Variants in CIT observed in about 807,000 individuals in gnomAD.
CIT encodes the protein citron Rho-interacting kinase.
A neutral mutation model predicts 272.7 loss-of-function variants in CIT; 79 were observed. The ratio of observed to expected loss-of-function variants is 0.29; its 90% confidence interval spans 0.24 to 0.35. CIT has a LOEUF of 0.35. Ranked by LOEUF, CIT falls within the 10% of genes least tolerant of loss-of-function variation. The pLI is 1.00. For missense variants in CIT, 1,909 were observed against 2,618.3 expected, an observed-to-expected ratio of 0.73 and a Z score of 5.91; for synonymous variants, 948 against 995.6, an observed-to-expected ratio of 0.95 and a Z score of 0.90.
chr12:119,793,654 G>A (rs528475224), intron 10 of CIT, among the ~76,000 whole-genome samples: 1 of 152,328 alleles, frequency 6.6e-6, no homozygotes. Flanking sequence ...GTTAGTGGCA[G>A]CCTCAGGGCC....
chr12:119,713,259 T>C lies in CIT; in HGVS notation c.4523A>G (p.Lys1508Arg). 6.2e-7 allele frequency: 1 copy of C among 1,614,144 alleles called. No homozygotes were observed. The highest frequency in any genetic ancestry group is 2.2e-5 in the East Asian group (1 of 44,874). Reference sequence around the variant, plus strand: ...TTTTGATCCCTCCAGGACAATGTACTTCCTGTCCCAGCCTTGCTGTCCTCG... The same window carrying C: ...TTTTGATCCCTCCAGGACAATGTACCTCCTGTCCCAGCCTTGCTGTCCTCG... Reference protein sequence around the residue: ...NKRGQQGWDRKYIVLEGSKVL... With the variant: ...NKRGQQGWDRRYIVLEGSKVL... The change falls in exon 35 of 48, where the codon AAG (lysine) becomes AGG (arginine). Residue 1508 changes from lysine (K) to arginine (R), a missense_variant. Lys to Arg is a conservative substitution (Grantham distance 26). Around this residue, in one of 8 missense-constraint regions of CIT, gnomAD observed 780 missense variants for 1,067.2 expected, o/e 0.73. Transcript: ENST00000392521. The surrounding 1 kb of genome is among the most constrained non-coding windows in gnomAD (Gnocchi z 5.2).
chr12:119,707,844 C>T (rs569468442), intron 40 of CIT, among the ~76,000 whole-genome samples: 5 of 152,332 alleles, frequency 3.3e-5, no homozygotes, highest in African/African-American at 1.2e-4. Context: ...CAAGGACATC[C>T]GCCCAGTGAC....
In CIT at chr12:119,708,327, GA is replaced by G; in HGVS notation, c.5072-10del. On this transcript the variant is annotated splice_polypyrimidine_tract_variant and intron_variant, in intron 39 of 47. Transcript: ENST00000392521. ...CAGTGCCCGCTCTTCTCCTGAACAG[GA>G]AAAGGAACAACCTCTCGTCAGTGTG... is the stretch of plus-strand genomic sequence containing the variant. 6.4e-7 allele frequency: 1 copy of G among 1,572,572 alleles called. No individual in the cohort carries two copies. The highest frequency in any genetic ancestry group is 8.6e-7 in the Non-Finnish European group (1 of 1,158,468).
chr12:119,730,747 G>T, intron 26 of CIT, 117 bp from the exon 27 acceptor site: 1 of 1,044,782 alleles, frequency 9.6e-7, no homozygotes, highest in Middle Eastern at 3.2e-4. Flanking sequence ...CCAGAAAGAT[G>T]CCCAACCTTG....
intron 5 of CIT, 126 bp downstream of exon 5, chr12:119,850,048 C>T (rs1970101997): frequency 1.3e-6 from 1 of 743,212 alleles, no homozygotes; most frequent in East Asian, 2.5e-5. Flanking sequence ...CAGGGAGACA[C>T]CTGTAAGGTA....
intron 9 of CIT, among the ~76,000 whole-genome samples, chr12:119,820,774 C>T (rs530069416): frequency 1.2e-4 from 18 of 152,066 alleles, no homozygotes; most frequent in Non-Finnish European, 1.6e-4. Flanking sequence ...AGTTCAAGAC[C>T]AGCCTGGGCA....
chr12:119,818,457 T>A (rs1256927482), intron 9 of CIT, among the ~76,000 whole-genome samples: 1 of 152,216 alleles, frequency 6.6e-6, no homozygotes, highest in East Asian at 1.9e-4. Flanking sequence ...AACCATATTA[T>A]ACACTTGAGG....
intron 44 of CIT, among the ~76,000 whole-genome samples, chr12:119,699,500 C>T (rs527265904): frequency 1.3e-5 from 2 of 152,266 alleles, no homozygotes; most frequent in African/African-American, 4.8e-5. Context: ...GGTGCAGTTC[C>T]CTGGCCTTGA....
intron 10 of CIT, among the ~76,000 whole-genome samples, chr12:119,797,088 G>A (rs954462239): frequency 1.3e-5 from 2 of 152,206 alleles, no homozygotes; most frequent in Non-Finnish European, 2.9e-5. Flanking sequence ...AGAAATTCAC[G>A]TAGACAAAGG....
intron 22 of CIT, among the ~76,000 whole-genome samples, chr12:119,754,962 T>A (rs779510279): frequency 1.3e-5 from 2 of 151,982 alleles, no homozygotes; most frequent in Admixed American, 6.5e-5. Flanking sequence ...GAGAAGTCCA[T>A]CTGGATTGTT....
At chr12:119,739,324 CT>C (rs1202858010) in intron 24 of CIT, among the ~76,000 whole-genome samples, 1 of 152,090 alleles carries the variant, frequency 6.6e-6, no homozygotes, top group Non-Finnish European at 1.5e-5. Flanking sequence ...TAGAAATGGT[CT>C]GAGCTTGAAA....
At chr12:119,789,749 C>G (rs1168973471) in intron 10 of CIT, among the ~76,000 whole-genome samples, 1 of 152,116 alleles carries the variant, frequency 6.6e-6, no homozygotes, top group Admixed American at 6.5e-5. Context: ...ACTCCGTCAC[C>G]AGGCTGGAGT....
At chr12:119,787,070 TTC>T (rs1246580680) in intron 10 of CIT, among the ~76,000 whole-genome samples, 2 of 152,076 alleles carry the variant, frequency 1.3e-5, no homozygotes, top group Non-Finnish European at 2.9e-5. Flanking sequence ...ACTCAAGTGA[TTC>T]TCTTACCTCA....
chr12:119,817,302 G>C (rs2107661), intron 9 of CIT, among the ~76,000 whole-genome samples: 88,950 of 151,862 alleles, frequency 0.59, 27,335 homozygotes, highest in East Asian at 0.84. Flanking sequence ...ACGAGGTCAG[G>C]AGACCGAGAC....
At chr12:119,856,459 G>A (rs560474663) in intron 4 of CIT, among the ~76,000 whole-genome samples, 4 of 151,908 alleles carry the variant, frequency 2.6e-5, no homozygotes, top group South Asian at 4.2e-4. Flanking sequence ...TTAAAAAAAG[G>A]TTCTTGAGTT....
At chr12:119,836,950 A>G (rs1294196116) in intron 5 of CIT, among the ~76,000 whole-genome samples, 1 of 152,224 alleles carries the variant, frequency 6.6e-6, no homozygotes, top group Non-Finnish European at 1.5e-5. Flanking sequence ...ATCCCCTCCC[A>G]AGTCAGATCA....
At chr12:119,859,714 C>T (rs1284185150) in intron 3 of CIT, among the ~76,000 whole-genome samples, 1 of 151,812 alleles carries the variant, frequency 6.6e-6, no homozygotes, top group Non-Finnish European at 1.5e-5. Context: ...GCTCGGGAGG[C>T]TGAGGGAGAG....
rs113906625 is a variant in CIT, at chr12:119,825,632, G to A, written c.754-264C>T. ...ATATACACACAGCCTTCAGTTATAC[G>A]AATGAGAGTTGGATATACCGGGAAT... On this transcript the variant is annotated intron_variant, in intron 7 of 47. Coordinates refer to ENST00000392521, the MANE Select transcript of CIT (RefSeq NM_001206999.2). Among the ~76,000 whole-genome samples the A allele has an allele frequency of 5.3e-5, 8 of 152,150 alleles. 1 individual carries two copies. The highest frequency in any genetic ancestry group is 3.9e-4 in the Admixed American group (6 of 15,286).
intron 16 of CIT, among the ~76,000 whole-genome samples, chr12:119,775,094 G>A (rs1301427004): frequency 6.6e-6 from 1 of 152,028 alleles, no homozygotes; most frequent in East Asian, 1.9e-4. Context: ...CCAACATGGT[G>A]AAACCCCGTG....
Sources: allele counts gnomAD v4.1 joint callset (sites outside exome capture counted in the v4.1 genomes callset), GRCh38; gene constraint gnomAD v4.1.1; regional missense constraint gnomAD v4.1.1; non-coding constraint Gnocchi (gnomAD v3.1); transcripts MANE v1.5; gene names NCBI Gene and HGNC (gene_info 2026-07-23, HGNC 2026-07-21).